KCND3: variants seen among roughly 807,000 people sequenced by gnomAD.
The protein encoded by KCND3 is potassium voltage-gated channel subfamily D member 3, also known as A-type voltage-gated potassium channel KCND3.
A neutral mutation model predicts 51.1 loss-of-function variants in KCND3; 9 were observed. That is an observed-to-expected ratio of 0.18 (90% CI 0.11 to 0.31). The LOEUF is 0.31. KCND3 is among the 10% of genes least tolerant of loss of function. The probability of loss-of-function intolerance (pLI) is 1.00; values close to 1 mark genes in which losing one functional copy is unlikely to be tolerated. For missense variants in KCND3, 526 were observed against 903.8 expected (o/e 0.58, Z 5.36); for synonymous variants, 349 against 368.0 (o/e 0.95, Z 0.59).
chr1:111,819,170 C>T (rs558773931), intron 2 of KCND3, among the ~76,000 whole-genome samples: 1 of 152,092 alleles, frequency 6.6e-6, no homozygotes. Context: ...CTCACACACT[C>T]ACATGTGTAC....
At chr1:111,818,412 G>A (rs769163960) in intron 2 of KCND3, among the ~76,000 whole-genome samples, 14 of 152,238 alleles carry the variant, frequency 9.2e-5, no homozygotes, top group Non-Finnish European at 1.8e-4. Context: ...CAGATGGAAT[G>A]AGCTGGAGAG....
At chr1:111,832,431 C>A (rs942848156) in intron 2 of KCND3, among the ~76,000 whole-genome samples, 2 of 152,210 alleles carry the variant, frequency 1.3e-5, no homozygotes, top group Non-Finnish European at 2.9e-5. Context: ...CCAAAGCCAT[C>A]TGTAATAAAC....
intron 2 of KCND3, among the ~76,000 whole-genome samples, chr1:111,938,925 C>G (rs1226625534): frequency 6.6e-6 from 1 of 152,196 alleles, no homozygotes; most frequent in African/African-American, 2.4e-5. Context: ...AAACAGGGAA[C>G]CCCTGCAGCT....
intron 2 of KCND3, among the ~76,000 whole-genome samples, chr1:111,838,749 C>T (rs1252238641): frequency 2.0e-5 from 3 of 152,176 alleles, no homozygotes; most frequent in African/African-American, 7.2e-5. Flanking sequence ...ACAGAGACCT[C>T]TTCACAAATC....
At chr1:111,880,814 CT>C (rs1341965099) in intron 2 of KCND3, among the ~76,000 whole-genome samples, 5 of 152,138 alleles carry the variant, frequency 3.3e-5, no homozygotes, top group African/African-American at 1.2e-4. Context: ...AATAAAGCTG[CT>C]TGGAAATTGC....
chr1:111,818,228 G>A (rs1331633327), intron 2 of KCND3, among the ~76,000 whole-genome samples: 1 of 152,212 alleles, frequency 6.6e-6, no homozygotes, highest in African/African-American at 2.4e-5. Flanking sequence ...CTCTGGGCAG[G>A]AGGGAAGGAG....
At chr1:111,980,504 A>G (rs552081714) in intron 2 of KCND3, among the ~76,000 whole-genome samples, 14 of 152,088 alleles carry the variant, frequency 9.2e-5, no homozygotes, top group East Asian at 1.9e-4. Context: ...AAAAAAAAAA[A>G]TCAAATCACC....
chr1:111,834,183 A>G (rs188519416), intron 2 of KCND3, among the ~76,000 whole-genome samples: 102 of 152,298 alleles, frequency 6.7e-4, no homozygotes, highest in Non-Finnish European at 3.7e-4. Flanking sequence ...CTCACCTTGG[A>G]GTTGGAAAAG....
Position 111,780,568 on chromosome 1 carries a change from G to A in KCND3, c.1371+122C>T. The A allele has an allele frequency of 1.1e-6, 1 of 934,360 alleles. No homozygotes were observed. The highest frequency in any genetic ancestry group is 1.7e-6 in the Non-Finnish European group (1 of 589,536). 57.9% of individuals were successfully genotyped at this position (934,360 alleles called of 1,614,324 possible). A position where few individuals can be genotyped will look rare whatever the true frequency, so the allele number is the denominator to read the frequency against. On this transcript the variant is annotated intron_variant, in intron 4 of 7. Coordinates refer to ENST00000302127, the MANE Select transcript of KCND3 (RefSeq NM_001378969.1). This position sits in a 1 kb window ranked among gnomAD's most constrained non-coding sequence, Gnocchi z 4.2. The stretch of plus-strand genomic sequence containing the variant: ...GGGGGCTGCTACCTGGGGAAAGTTT[G>A]GAAACGTGTCCTCCTTGGGGTTCAT...
chr1:111,904,670 G>A (rs939329623), intron 2 of KCND3, among the ~76,000 whole-genome samples: 3 of 152,186 alleles, frequency 2.0e-5, no homozygotes, highest in Admixed American at 6.5e-5. Flanking sequence ...ACGGGCACAG[G>A]CGAGAATCGA....
intron 2 of KCND3, among the ~76,000 whole-genome samples, chr1:111,927,358 G>A (rs984042403): frequency 6.6e-6 from 1 of 152,230 alleles, no homozygotes; most frequent in African/African-American, 2.4e-5. Flanking sequence ...ACCCATAGGT[G>A]GAGGAGGGCA....
intron 2 of KCND3, among the ~76,000 whole-genome samples, chr1:111,951,365 T>C (rs536892628): frequency 1.3e-5 from 2 of 152,234 alleles, no homozygotes; most frequent in African/African-American, 4.8e-5. Context: ...ACCTCAGTTC[T>C]GGCTGCCCCC....
intron 2 of KCND3, among the ~76,000 whole-genome samples, chr1:111,803,715 G>A (rs1665429851): frequency 6.6e-6 from 1 of 152,192 alleles, no homozygotes; most frequent in South Asian, 2.1e-4. Flanking sequence ...TGAGAAATAG[G>A]ATGTGCAGTG....
At chr1:111,942,104 C>A (rs759617318) in intron 2 of KCND3, among the ~76,000 whole-genome samples, 5 of 152,174 alleles carry the variant, frequency 3.3e-5, no homozygotes, top group Non-Finnish European at 7.3e-5. Flanking sequence ...GCCACGTCCA[C>A]ATAATTCAAT....
At chr1:111,931,435 A>G (rs1386373432) in intron 2 of KCND3, among the ~76,000 whole-genome samples, 1 of 152,012 alleles carries the variant, frequency 6.6e-6, no homozygotes, top group African/African-American at 2.4e-5. Context: ...TCCCCCTGAG[A>G]GCAGACTCTG....
At chr1:111,931,938 A>C (rs1412742091) in intron 2 of KCND3, among the ~76,000 whole-genome samples, 1 of 152,188 alleles carries the variant, frequency 6.6e-6, no homozygotes, top group African/African-American at 2.4e-5. Context: ...TGCAGCTCTT[A>C]CAAATGCAAA....
Position 111,882,462 on chromosome 1 carries a change from G to A in KCND3, c.1107-95356C>T, listed in dbSNP as rs551550647. Among the ~76,000 whole-genome samples, 73 of 152,362 alleles carry A rather than the reference G, an allele frequency of 4.8e-4. No individual in the cohort carries two copies. The Middle Eastern group carries it at 0.01, about 21-fold the overall frequency. ...CCTCTGAGGAAGAGAACACTGTGCA[G>A]ATTCCAAGGCCAAGAAGTGGCCTAG... On this transcript the variant is annotated intron_variant, in intron 2 of 7. Coordinates refer to ENST00000302127, the MANE Select transcript of KCND3 (RefSeq NM_001378969.1).
intron 2 of KCND3, among the ~76,000 whole-genome samples, chr1:111,961,621 G>A (rs771214033): frequency 1.4e-4 from 22 of 152,122 alleles, no homozygotes; most frequent in Admixed American, 5.2e-4. Context: ...TGTGCCGAAG[G>A]TGTGCATCGT....
In KCND3 at chr1:111,862,231, A is replaced by C. The variant is rs1438743044; in HGVS notation, c.1107-75125T>G. Among the ~76,000 whole-genome samples, 4 of 152,258 alleles carry C rather than the reference A, an allele frequency of 2.6e-5. 1 individual carries two copies. Among genetic ancestry groups the C allele is most frequent in the Non-Finnish European group, 4.4e-5 (3 of 68,042 alleles). On this transcript the variant is annotated intron_variant, in intron 2 of 7. Coordinates refer to ENST00000302127, the MANE Select transcript of KCND3 (RefSeq NM_001378969.1). ...GGTTGGCAAACTTTTTCCAAAAAGG[A>C]CCAAATAGTAAATATTTCAGGCTTG...
Sources: gnomAD v4.1 joint callset for allele counts (sites outside exome capture counted in the v4.1 genomes callset) on GRCh38, gnomAD v4.1.1 for gene constraint, Gnocchi (gnomAD v3.1) non-coding constraint, MANE v1.5 for transcripts, NCBI Gene and HGNC (gene_info 2026-07-23, HGNC 2026-07-21) for gene names.